Variants in NGF observed in about 807,000 individuals in gnomAD.
The protein encoded by NGF is beta-nerve growth factor.
Under a neutral mutation model 12.8 loss-of-function variants are expected in NGF, and 4 were observed. The ratio of observed to expected loss-of-function variants is 0.31; its 90% CI spans 0.15 to 0.72. The LOEUF is 0.72. Among genes scored for constraint, NGF ranks in the 30% least tolerant of loss-of-function variants. The probability of loss-of-function intolerance (pLI) is 0.69; values close to 1 mark genes in which losing one functional copy is unlikely to be tolerated. For synonymous variants in NGF, 140 were observed against 130.0 expected (o/e 1.08, Z -0.52); for missense variants, 283 against 330.8 (o/e 0.86, Z 1.12).
At chr1:115,335,975 C>G (rs1480172432) in intron 1 of NGF, among the ~76,000 whole-genome samples, 1 of 152,202 alleles carries the variant, frequency 6.6e-6, no homozygotes, top group East Asian at 1.9e-4. Context: ...CTGCCCTGCC[C>G]TACCCTACTC....
intron 2 of NGF, among the ~76,000 whole-genome samples, chr1:115,288,845 T>G (rs978130649): frequency 3.3e-5 from 5 of 152,238 alleles, no homozygotes; most frequent in African/African-American, 1.2e-4. Flanking sequence ...ACCATCTGCC[T>G]TCTTTCCATC....
At chr1:115,317,789 C>T (rs956346174) in intron 1 of NGF, among the ~76,000 whole-genome samples, 4 of 152,196 alleles carry the variant, frequency 2.6e-5, no homozygotes, top group African/African-American at 4.8e-5. Context: ...GCAGGAGTCC[C>T]GTGTTTACTG....
intron 1 of NGF, among the ~76,000 whole-genome samples, chr1:115,330,982 A>C (rs1291742100): frequency 2.6e-5 from 4 of 152,166 alleles, no homozygotes; most frequent in African/African-American, 7.2e-5. Context: ...CTCGGGGAGA[A>C]GCAAGAAGAG....
intron 1 of NGF, among the ~76,000 whole-genome samples, chr1:115,332,610 C>T (rs1026888478): frequency 6.6e-5 from 10 of 152,216 alleles, no homozygotes; most frequent in African/African-American, 2.4e-4. Flanking sequence ...TGGTGCCCCC[C>T]TCATGCCAGG....
At chr1:115,298,341 C>T (rs1316166202) in intron 1 of NGF, among the ~76,000 whole-genome samples, 3 of 152,182 alleles carry the variant, frequency 2.0e-5, no homozygotes, top group Non-Finnish European at 4.4e-5. Context: ...AGTCAGCAAA[C>T]CTCATGGTTG....
chr1:115,335,279 A>G (rs948411023), intron 1 of NGF, among the ~76,000 whole-genome samples: 8 of 152,208 alleles, frequency 5.3e-5, no homozygotes, highest in African/African-American at 1.7e-4. Flanking sequence ...CAGCCTCAGG[A>G]TCATCCTGGC....
intron 1 of NGF, among the ~76,000 whole-genome samples, chr1:115,333,673 C>T (rs1164992515): frequency 1.6e-5 from 1 of 62,490 alleles, no homozygotes; most frequent in Non-Finnish European, 2.4e-5. Context: ...TTCTTTCTTT[C>T]TTTCTTTCTT....
chr1:115,295,452 A>T (rs1335424622), intron 1 of NGF, among the ~76,000 whole-genome samples: 1 of 152,134 alleles, frequency 6.6e-6, no homozygotes, highest in Non-Finnish European at 1.5e-5. Flanking sequence ...CCAGGGTTGG[A>T]GTTAGCATGG....
At chr1:115,288,282 T>C (rs1653580389) in intron 2 of NGF, among the ~76,000 whole-genome samples, 1 of 152,186 alleles carries the variant, frequency 6.6e-6, no homozygotes, top group South Asian at 2.1e-4. Flanking sequence ...GTCTGGGGGT[T>C]AGAAAATCGT....
intron 1 of NGF, among the ~76,000 whole-genome samples, chr1:115,330,003 G>A (rs377288520): frequency 4.6e-5 from 7 of 151,954 alleles, no homozygotes; most frequent in African/African-American, 1.7e-4. Context: ...TGATCCTCCC[G>A]CCTCAGCCCC....
At position 115,334,685 on chromosome 1, in the gene NGF, T is replaced by C. The variant is rs145815991; in HGVS notation, c.-137+3519A>G. Among the ~76,000 whole-genome samples, 46 of 152,274 alleles carry C rather than the reference T, an allele frequency of 3.0e-4. 1 individual carries two copies. The highest frequency in any genetic ancestry group is 3.4e-3 in the Middle Eastern group (1 of 294). ...AAGACTTCTCAACTGGGAGCAGCAT[T>C]ATCTTTGAATACACTTAGCCCTTTA... On this transcript the variant is annotated intron_variant, in intron 1 of 2. Transcript: ENST00000369512.
At chr1:115,316,113 T>G (rs1437688467) in intron 1 of NGF, among the ~76,000 whole-genome samples, 1 of 152,208 alleles carries the variant, frequency 6.6e-6, no homozygotes, top group East Asian at 1.9e-4. Flanking sequence ...AGAGACCATC[T>G]GTCGGAGTGA....
intron 1 of NGF, among the ~76,000 whole-genome samples, chr1:115,320,146 G>A (rs1557945017): frequency 6.6e-6 from 1 of 152,126 alleles, no homozygotes; most frequent in Non-Finnish European, 1.5e-5. Flanking sequence ...GTGGCTTAAA[G>A]GGCAGTGTTT....
chr1:115,331,106 G>A (rs1488420290), intron 1 of NGF, among the ~76,000 whole-genome samples: 1 of 150,556 alleles, frequency 6.6e-6, no homozygotes, highest in African/African-American at 2.5e-5. Context: ...GGTCCACATC[G>A]GGAAGGGGCC....
chr1:115,290,867 T>C lies in NGF; in HGVS notation c.-13+2760A>G, dbSNP rs181047372. ...CCTCCTCTAAGAAACTGTGAGTATG[T>C]AGACAAGTCTCCTGCCTCCAGTGTT... On this transcript the variant is annotated intron_variant, in intron 2 of 2. Coordinates refer to ENST00000369512, the MANE Select transcript of NGF (RefSeq NM_002506.3). Among the ~76,000 whole-genome samples the C allele has an allele frequency of 6.6e-5, 10 of 152,202 alleles. No individual in the cohort carries two copies. In the East Asian group the frequency reaches 1.9e-3, roughly 29 times the overall value.
chr1:115,290,543 A>C (rs970429454), intron 2 of NGF, among the ~76,000 whole-genome samples: 4 of 151,280 alleles, frequency 2.6e-5, no homozygotes, highest in African/African-American at 9.7e-5. Context: ...CTACAGGCAC[A>C]CGCCGCCACG....
intron 1 of NGF, among the ~76,000 whole-genome samples, chr1:115,333,158 A>G (rs930641037): frequency 1.3e-5 from 2 of 152,170 alleles, no homozygotes; most frequent in Non-Finnish European, 1.5e-5. Context: ...AACTGCACAC[A>G]GAGGGGAGGT....
At chr1:115,303,500 C>A (rs1222618571) in intron 1 of NGF, among the ~76,000 whole-genome samples, 2 of 151,646 alleles carry the variant, frequency 1.3e-5, no homozygotes, top group East Asian at 3.9e-4. Context: ...TTCTCCATCA[C>A]CATCACCACT....
chr1:115,316,022 C>T (rs141576518), intron 1 of NGF, among the ~76,000 whole-genome samples: 28 of 152,166 alleles, frequency 1.8e-4, no homozygotes, highest in African/African-American at 6.5e-4. Flanking sequence ...ACTATGCACC[C>T]AGGGCTGTGC....
Sources: allele counts gnomAD v4.1 joint callset (sites outside exome capture counted in the v4.1 genomes callset), GRCh38; gene constraint gnomAD v4.1.1; transcripts MANE v1.5; gene names NCBI Gene and HGNC (gene_info 2026-07-23, HGNC 2026-07-21).